Variants in SCMH1 observed in about 807,000 individuals in gnomAD.
SCMH1 encodes polycomb protein SCMH1.
In SCMH1, 37 loss-of-function variants were observed where a neutral mutation model predicts 70.8. The ratio of observed to expected loss-of-function variants is 0.52; its 90% CI spans 0.40 to 0.69. SCMH1 has a LOEUF of 0.69. Ranked by LOEUF, SCMH1 falls within the 30% of genes least tolerant of loss-of-function variation. The pLI is 0.00. For synonymous variants in SCMH1, 292 were observed against 307.4 expected, an observed-to-expected ratio of 0.95 and a Z score of 0.52; for missense variants, 607 against 827.3, an observed-to-expected ratio of 0.73 and a Z score of 3.27.
chr1:41,241,521 T>C lies in SCMH1; in HGVS notation c.-118+538A>G, dbSNP rs551857054. ...TCTCGGTGGGGGCCACGCCGCCCCG[T>C]CGACCTCTGTCTCTGCCTTCCCCGA... On this transcript the variant is annotated intron_variant, in intron 1 of 14. Coordinates refer to ENST00000337495, the Ensembl canonical transcript of SCMH1. Among the ~76,000 whole-genome samples, 924 of 146,198 alleles carry C rather than the reference T, an allele frequency of 6.3e-3. 14 individuals are homozygous for C. The highest frequency in any genetic ancestry group is 0.022 in the African/African-American group (884 of 39,570).
chr1:41,071,596 C>T (rs993114140), intron 9 of SCMH1, among the ~76,000 whole-genome samples: 1 of 152,034 alleles, frequency 6.6e-6, no homozygotes, highest in Non-Finnish European at 1.5e-5. Context: ...TCTATTATTT[C>T]CCCTACACTG....
At chr1:41,161,458 T>C (rs1244632028) in intron 2 of SCMH1, 26 bp from the exon 3 acceptor site, 1 of 1,537,216 alleles carries the variant, frequency 6.5e-7, no homozygotes. Context: ...AAAATAGTCA[T>C]GTGGAAAGAA....
At chr1:41,231,416 A>G (rs1661276162) in intron 1 of SCMH1, among the ~76,000 whole-genome samples, 1 of 152,216 alleles carries the variant, frequency 6.6e-6, no homozygotes, top group African/African-American at 2.4e-5. Flanking sequence ...TTTCTATTAG[A>G]ACAGTTTTAG....
chr1:41,222,829 T>C (rs904341959), intron 1 of SCMH1, among the ~76,000 whole-genome samples: 1 of 152,194 alleles, frequency 6.6e-6, no homozygotes, highest in African/African-American at 2.4e-5. Context: ...GATGCAGTCA[T>C]TTTTCAAAGG....
intron 3 of SCMH1, 50 bp downstream of exon 3, chr1:41,161,314 A>G (rs1310257913): frequency 6.5e-7 from 1 of 1,545,864 alleles, no homozygotes; most frequent in Non-Finnish European, 8.7e-7. Context: ...TTATGGGAAA[A>G]GATGCCGAGT....
chr1:41,185,479 GC>G (rs1649930542), intron 2 of SCMH1, among the ~76,000 whole-genome samples: 1 of 152,100 alleles, frequency 6.6e-6, no homozygotes, highest in Non-Finnish European at 1.5e-5. Flanking sequence ...GAGCTCCCAT[GC>G]CCCTTCTTCT....
intron 9 of SCMH1, among the ~76,000 whole-genome samples, chr1:41,073,249 T>C (rs1001205335): frequency 6.6e-6 from 1 of 152,196 alleles, no homozygotes. Context: ...TACTTCCATT[T>C]TGGGATAGAT....
At chr1:41,186,065 C>A in intron 2 of SCMH1, 56 bp downstream of exon 2, 2 of 1,538,102 alleles carry the variant, frequency 1.3e-6, no homozygotes, top group South Asian at 2.4e-5. Context: ...TAAAGCCAGT[C>A]CTTGCTAGGT....
At chr1:41,135,111 T>C (rs1643060830) in intron 6 of SCMH1, among the ~76,000 whole-genome samples, 1 of 152,334 alleles carries the variant, frequency 6.6e-6, no homozygotes, top group East Asian at 1.9e-4. Flanking sequence ...TTAATAACAG[T>C]ATTCATACAT....
intron 5 of SCMH1, among the ~76,000 whole-genome samples, chr1:41,145,109 T>C (rs965475061): frequency 3.3e-5 from 5 of 152,150 alleles, no homozygotes; most frequent in Non-Finnish European, 5.9e-5. Flanking sequence ...ATTATCTATT[T>C]TTTCTTTTGT....
rs1650205015 is a variant in SCMH1, at chr1:41,186,392, G to T, written c.-117-142C>A. On this transcript the variant is annotated intron_variant, in intron 1 of 14. Transcript: ENST00000337495. ...AGATTTTTTGCTATTAGAATATCTT[G>T]GAGTTGCAAAGTACCTTACAGCAAG... 8.9e-6 allele frequency: 3 copies of T among 335,786 alleles called. No individual in the cohort carries two copies. The South Asian group carries it at 1.5e-4, about 16-fold the overall frequency. The allele number at this position is 335,786 out of a possible 1,614,324, so 20.8% of individuals were successfully genotyped here.
At chr1:41,225,796 G>A (rs997559282) in intron 1 of SCMH1, among the ~76,000 whole-genome samples, 1 of 152,192 alleles carries the variant, frequency 6.6e-6, no homozygotes, top group African/African-American at 2.4e-5. Flanking sequence ...GACTGAACTA[G>A]CAAACTGGGC....
At chr1:41,227,242 T>C (rs1012524790) in intron 1 of SCMH1, among the ~76,000 whole-genome samples, 2 of 152,198 alleles carry the variant, frequency 1.3e-5, no homozygotes, top group Non-Finnish European at 2.9e-5. Flanking sequence ...TGACAGTCTT[T>C]CCTGTCTCTG....
chr1:41,174,726 C>T (rs1027794190), intron 2 of SCMH1, among the ~76,000 whole-genome samples: 5 of 152,172 alleles, frequency 3.3e-5, no homozygotes, highest in African/African-American at 1.2e-4. Context: ...TGTATATACA[C>T]ACATATTAAG....
intron 1 of SCMH1, among the ~76,000 whole-genome samples, chr1:41,210,468 A>G (rs878962676): frequency 6.6e-6 from 1 of 152,102 alleles, no homozygotes; most frequent in Admixed American, 6.5e-5. Context: ...ACATTACAAG[A>G]CTACGTAACC....
chr1:41,117,988 C>T (rs977883002), intron 6 of SCMH1, among the ~76,000 whole-genome samples: 3 of 152,108 alleles, frequency 2.0e-5, no homozygotes, highest in Admixed American at 6.5e-5. Flanking sequence ...TTTATCTCTT[C>T]GTCTTGTGTC....
At chr1:41,089,785 C>CCCTTTTTTTTTTTT (rs1662794843) in intron 8 of SCMH1, among the ~76,000 whole-genome samples, 1 of 37,320 alleles carries the variant, frequency 2.7e-5, no homozygotes, top group Admixed American at 2.3e-4. Context: ...ACCATGTTGT[C>CCCTTTTTTTTTTTT]TCTTTTTTTT....
intron 1 of SCMH1, among the ~76,000 whole-genome samples, chr1:41,238,441 CT>C (rs1034612385): frequency 3.3e-5 from 5 of 152,106 alleles, no homozygotes; most frequent in Middle Eastern, 3.2e-3. Flanking sequence ...AAACTATTAC[CT>C]TCTCACTCTT....
chr1:41,176,665 T>G (rs1484666987), intron 2 of SCMH1, among the ~76,000 whole-genome samples: 1 of 152,066 alleles, frequency 6.6e-6, no homozygotes, highest in Non-Finnish European at 1.5e-5. Flanking sequence ...AGCACAGCAG[T>G]CTGAGATCAA....
Sources: gnomAD v4.1 joint callset for allele counts (sites outside exome capture counted in the v4.1 genomes callset) on GRCh38, gnomAD v4.1.1 for gene constraint, MANE v1.5 for transcripts, NCBI Gene and HGNC (gene_info 2026-07-23, HGNC 2026-07-21) for gene names.